MRPS6: variants seen among roughly 807,000 people sequenced by gnomAD.
The protein encoded by MRPS6 is small ribosomal subunit protein bS6m.
MRPS6 carries 6 observed loss-of-function variants against 13.1 expected under a neutral mutation model. That is an observed-to-expected ratio of 0.46 (90% CI 0.25 to 0.91). MRPS6 has a LOEUF of 0.91. Ranked by LOEUF, MRPS6 falls within the 40% of genes least tolerant of loss-of-function variation. The pLI is 0.18. For synonymous variants in MRPS6, 61 were observed against 56.5 expected (o/e 1.08, Z -0.36); for missense variants, 164 against 155.6 (o/e 1.05, Z -0.29).
chr21:34,137,902 A>T (rs773961179), intron 2 of MRPS6, among the ~76,000 whole-genome samples: 10 of 151,332 alleles, frequency 6.6e-5, no homozygotes, highest in Admixed American at 1.3e-4. Flanking sequence ...TTTGAATTAC[A>T]TTTTTTTTCA....
At chr21:34,075,904 A>G (rs1314528100) in intron 1 of MRPS6, among the ~76,000 whole-genome samples, 1 of 152,216 alleles carries the variant, frequency 6.6e-6, no homozygotes, top group Non-Finnish European at 1.5e-5. Flanking sequence ...TGCGACTGTG[A>G]GCTTGCACAC....
At chr21:34,142,264 A>G in intron 2 of MRPS6, 144 bp from the exon 3 acceptor site, 4 of 814,556 alleles carry the variant, frequency 4.9e-6, no homozygotes, top group South Asian at 4.0e-5. Flanking sequence ...GGTAGTTTCT[A>G]TTTTGACAAG....
At chr21:34,074,948 C>T (rs1989290624) in intron 1 of MRPS6, among the ~76,000 whole-genome samples, 1 of 152,182 alleles carries the variant, frequency 6.6e-6, no homozygotes, top group South Asian at 2.1e-4. Context: ...GTCCAGACAG[C>T]CTGGCCAGGC....
chr21:34,121,188 A>T (rs1271729375), intron 1 of MRPS6, among the ~76,000 whole-genome samples: 1 of 152,156 alleles, frequency 6.6e-6, no homozygotes, highest in African/African-American at 2.4e-5. Flanking sequence ...GAACTGGGGG[A>T]TGGAGGTGCA....
intron 1 of MRPS6, chr21:34,099,083 A>C: frequency 1.0e-6 from 1 of 999,570 alleles, no homozygotes; most frequent in Non-Finnish European, 1.2e-6. Flanking sequence ...CAGGTAGCAT[A>C]GTGTCTTCCC....
chr21:34,116,446 T>C (rs1302528542), intron 1 of MRPS6, among the ~76,000 whole-genome samples: 2 of 152,054 alleles, frequency 1.3e-5, no homozygotes, highest in African/African-American at 4.8e-5. Flanking sequence ...TCGTACTTAT[T>C]CAATCAGTGG....
In MRPS6 at chr21:34,102,372, ATTTCTG is replaced by A. The variant is rs142716882; in HGVS notation, c.46-22958_46-22953del. The A allele has an allele frequency of 2.4e-3, 2,401 of 999,966 alleles. 128 individuals are homozygous for A. The East Asian group carries it at 0.12, about 52-fold the overall frequency. 61.9% of individuals were successfully genotyped at this position (999,966 alleles called of 1,614,324 possible). The stretch of plus-strand genomic sequence containing the variant: ...AAGGAATGTTGTGAGAATTGATGTA[ATTTCTG>A]TTTCTGTTTCCATCTAAACTTCTTT... On this transcript the variant is annotated intron_variant, in intron 1 of 2. Transcript: ENST00000399312.
intron 1 of MRPS6, among the ~76,000 whole-genome samples, chr21:34,085,446 G>A (rs928571494): frequency 2.0e-5 from 3 of 152,120 alleles, no homozygotes; most frequent in Non-Finnish European, 4.4e-5. Flanking sequence ...GTGATCTATG[G>A]AATAACAAAC....
At chr21:34,093,575 G>A in intron 1 of MRPS6, among the ~76,000 whole-genome samples, 1 of 151,728 alleles carries the variant, frequency 6.6e-6, no homozygotes, top group East Asian at 1.9e-4. Context: ...AAAGGAAAAT[G>A]CCTAGAATCA....
intron 2 of MRPS6, among the ~76,000 whole-genome samples, chr21:34,139,905 ATTATT>A (rs1291268958): frequency 2.6e-5 from 4 of 152,036 alleles, no homozygotes; most frequent in Non-Finnish European, 4.4e-5. Context: ...AATATTTCCT[ATTATT>A]TTAATATTTA....
rs962679811 is a variant in MRPS6 at position 34,073,609 on chromosome 21, C to G, written c.-92C>G. On this transcript the variant is annotated 5_prime_UTR_variant, in exon 1 of 3. Transcript: ENST00000399312. The stretch of plus-strand genomic sequence containing the variant: ...GCCGCCTGGGAGCCGTCCGGCGCAG[C>G]AGTTTCTAGGTCCCCACTGTCCCCG... 11 of 1,134,306 alleles carry G rather than the reference C, an allele frequency of 9.7e-6. No individual in the cohort carries two copies. Among genetic ancestry groups the G allele is most frequent in the Non-Finnish European group, 1.4e-5 (11 of 803,630 alleles). The allele number at this position is 1,134,306 out of a possible 1,614,324, so 70.3% of individuals were successfully genotyped here. A position where few individuals can be genotyped will look rare whatever the true frequency, so the allele number is the denominator to read the frequency against.
chr21:34,094,603 T>C (rs189274746), intron 1 of MRPS6, among the ~76,000 whole-genome samples: 5 of 152,354 alleles, frequency 3.3e-5, no homozygotes, highest in Non-Finnish European at 5.9e-5. Flanking sequence ...GGCAGTTAGC[T>C]GCTGAAGTTA....
rs187781717 is a variant in MRPS6, at chr21:34,109,206, C to T, written c.46-16135C>T. 1.1e-4 allele frequency among the ~76,000 whole-genome samples: 17 copies of T among 152,160 alleles called. 1 individual carries two copies. Among genetic ancestry groups the T allele is most frequent in the Middle Eastern group, 6.8e-3 (2 of 294 alleles). On this transcript the variant is annotated intron_variant, in intron 1 of 2. Coordinates refer to ENST00000399312, the MANE Select transcript of MRPS6 (RefSeq NM_032476.4). ...TGAAGGTACTGTCGTCTTCCACTCC[C>T]GCTTTATTTACTTCAAGATAGTTTT...
intron 1 of MRPS6, among the ~76,000 whole-genome samples, chr21:34,118,101 T>C (rs1373947459): frequency 9.9e-5 from 15 of 152,148 alleles, no homozygotes; most frequent in Non-Finnish European, 1.2e-4. Context: ...GCACACAGCA[T>C]TGGTTTATTC....
At position 34,125,339 on chromosome 21, in the gene MRPS6, A is replaced by T. The variant is rs374862082; in HGVS notation, c.46-2A>T. ...TTTCTTTAAAAACACAAACAAAAAC[A>T]GCCAGAGACTGCTGCTACTTTGAAA... is the stretch of plus-strand genomic sequence containing the variant. On this transcript the variant is annotated splice_acceptor_variant, in intron 1 of 2. Coordinates refer to ENST00000399312, the MANE Select transcript of MRPS6 (RefSeq NM_032476.4). LOFTEE classifies it high-confidence loss of function. 17 of 1,601,092 alleles carry T rather than the reference A, an allele frequency of 1.1e-5. No individual in the cohort carries two copies. Among genetic ancestry groups the T allele is most frequent in the Non-Finnish European group, 1.4e-5 (17 of 1,176,616 alleles).
chr21:34,090,568 A>G (rs2409512), intron 1 of MRPS6, among the ~76,000 whole-genome samples: 123,401 of 152,098 alleles, frequency 0.81, 52,645 homozygotes, highest in East Asian at 0.94. Context: ...AACTTGGGAA[A>G]ATCCTAATAT....
chr21:34,125,589 GCCTAGGTGT>G, intron 2 of MRPS6, 109 bp downstream of exon 2: 1 of 1,483,562 alleles, frequency 6.7e-7, no homozygotes, highest in Non-Finnish European at 9.0e-7. Flanking sequence ...CCCCTGTTGC[GCCTAGGTGT>G]CCTTTGGGTA....
intron 1 of MRPS6, among the ~76,000 whole-genome samples, chr21:34,109,432 C>T (rs573846311): frequency 1.1e-4 from 17 of 152,254 alleles, no homozygotes; most frequent in Admixed American, 3.9e-4. Context: ...GATAAAAGGC[C>T]TTTTGCCATG....
At chr21:34,130,257 T>C (rs770801074) in intron 2 of MRPS6, among the ~76,000 whole-genome samples, 2 of 152,162 alleles carry the variant, frequency 1.3e-5, no homozygotes, top group Non-Finnish European at 2.9e-5. Flanking sequence ...AACTTGTAAA[T>C]ACAGGGTTAA....
Sources: gnomAD v4.1 joint callset for allele counts (sites outside exome capture counted in the v4.1 genomes callset) on GRCh38, gnomAD v4.1.1 for gene constraint, MANE v1.5 for transcripts, NCBI Gene and HGNC (gene_info 2026-07-23, HGNC 2026-07-21) for gene names.